GRID2: variants seen among roughly 807,000 people sequenced by gnomAD.
The protein encoded by GRID2 is glutamate receptor ionotropic, delta-2.
Under a neutral mutation model 114.8 loss-of-function variants are expected in GRID2, and 33 were observed. The observed-to-expected ratio is 0.29, with a 90% CI of 0.22 to 0.38. The LOEUF (loss-of-function observed/expected upper bound fraction) is 0.38, where lower values mean the gene tolerates loss of function less well. Among genes scored for constraint, GRID2 ranks in the 10% least tolerant of loss-of-function variants. The pLI is 1.00. For missense variants in GRID2, 1,184 were observed against 1,257.7 expected (o/e 0.94, Z 0.89); for synonymous variants, 505 against 449.9 (o/e 1.12, Z -1.55).
At chr4:93,448,886 T>TCCTTTCCCCTTCCCTTCCCCTTC (rs1553931769) in intron 10 of GRID2, among the ~76,000 whole-genome samples, 1 of 10,278 alleles carries the variant, frequency 9.7e-5, no homozygotes, top group African/African-American at 8.6e-4. Context: ...CCCTTCCCCT[T>TCCTTTCCCCTTCCCTTCCCCTTC]CCCTTCCCTT....
intron 2 of GRID2, among the ~76,000 whole-genome samples, chr4:92,979,868 A>T (rs1035630168): frequency 6.6e-6 from 1 of 152,206 alleles, no homozygotes; most frequent in African/African-American, 2.4e-5. Context: ...AGCCATTGCC[A>T]GAATGCCTGA....
chr4:93,451,200 T>G (rs1357969110), intron 10 of GRID2, among the ~76,000 whole-genome samples: 1 of 152,076 alleles, frequency 6.6e-6, no homozygotes, highest in African/African-American at 2.4e-5. Flanking sequence ...GCTTATGGCC[T>G]AGTGGAGGAG....
Position 93,264,770 on chromosome 4 carries a change from A to G in GRID2, c.1245+26280A>G, listed in dbSNP as rs1002021237. On this transcript the variant is annotated intron_variant, in intron 8 of 15. Coordinates refer to ENST00000282020, the MANE Select transcript of GRID2 (RefSeq NM_001510.4). ...TATCATTTGAATGATATATATATAT[A>G]TATAAATATATATAATATATATTTA... is the stretch of plus-strand genomic sequence containing the variant. Among the ~76,000 whole-genome samples the G allele has an allele frequency of 8.3e-4, 120 of 144,418 alleles. 3 individuals are homozygous for G. The highest frequency in any genetic ancestry group is 1.9e-3 in the African/African-American group (76 of 39,192). 94.7% of individuals were successfully genotyped at this position (144,418 alleles called of 152,430 possible). A position where few individuals can be genotyped will look rare whatever the true frequency, so the allele number is the denominator to read the frequency against.
At chr4:93,496,711 A>G (rs1727582656) in intron 12 of GRID2, among the ~76,000 whole-genome samples, 2 of 151,824 alleles carry the variant, frequency 1.3e-5, no homozygotes, top group South Asian at 4.1e-4. Context: ...GTAATAGTTC[A>G]TTGCTTTTTA....
intron 1 of GRID2, among the ~76,000 whole-genome samples, chr4:92,386,101 C>T (rs1172294142): frequency 6.6e-6 from 1 of 151,526 alleles, no homozygotes; most frequent in Non-Finnish European, 1.5e-5. Flanking sequence ...ATGACACCCT[C>T]CAGTTAAAAC....
intron 1 of GRID2, among the ~76,000 whole-genome samples, chr4:92,510,490 TCGAAAGA>T (rs1724188874): frequency 6.6e-6 from 1 of 151,740 alleles, no homozygotes; most frequent in Admixed American, 6.6e-5. Context: ...ATTTTTCAAG[TCGAAAGA>T]CTGGGTATAG....
intron 1 of GRID2, among the ~76,000 whole-genome samples, chr4:92,377,028 C>T (rs1441679229): frequency 2.6e-5 from 4 of 152,146 alleles, no homozygotes; most frequent in Non-Finnish European, 4.4e-5. Flanking sequence ...TGGGGATTAA[C>T]ATTTGGCTGT....
At chr4:92,607,242 T>C (rs1020500688) in intron 2 of GRID2, among the ~76,000 whole-genome samples, 2 of 152,020 alleles carry the variant, frequency 1.3e-5, no homozygotes, top group Non-Finnish European at 2.9e-5. Flanking sequence ...CTATTTTTAA[T>C]TTAAATAATA....
intron 1 of GRID2, among the ~76,000 whole-genome samples, chr4:92,347,228 A>G (rs1042054170): frequency 3.1e-4 from 47 of 152,216 alleles, no homozygotes; most frequent in Admixed American, 7.2e-4. Context: ...TAAATATATG[A>G]CTAGAAATAG....
chr4:93,089,877 G>T lies in GRID2; in HGVS notation c.529+4598G>T, dbSNP rs142155466. Among the ~76,000 whole-genome samples, 12 of 152,218 alleles carry T rather than the reference G, an allele frequency of 7.9e-5. No individual in the cohort carries two copies. The East Asian group carries it at 2.3e-3, about 29-fold the overall frequency. On this transcript the variant is annotated intron_variant, in intron 3 of 15. Coordinates refer to ENST00000282020, the MANE Select transcript of GRID2 (RefSeq NM_001510.4). Reference sequence around the variant, plus strand: ...GACCCTCATAGTAATGTCTGTTTCTGTTGCCCTCAAGTTCCACAAAACAAT... The same window carrying T: ...GACCCTCATAGTAATGTCTGTTTCTTTTGCCCTCAAGTTCCACAAAACAAT...
chr4:92,330,926 G>A (rs1026332882), intron 1 of GRID2, among the ~76,000 whole-genome samples: 1 of 152,024 alleles, frequency 6.6e-6, no homozygotes, highest in Non-Finnish European at 1.5e-5. Context: ...AAAATGTGGT[G>A]TCCTTTAAAA....
At chr4:93,513,672 C>G (rs1025853769) in intron 12 of GRID2, among the ~76,000 whole-genome samples, 1 of 151,810 alleles carries the variant, frequency 6.6e-6, no homozygotes, top group Admixed American at 6.6e-5. Context: ...ATGTGTAGAG[C>G]AAAAAGGAAT....
At chr4:93,017,856 T>C (rs1187365535) in intron 2 of GRID2, among the ~76,000 whole-genome samples, 2 of 146,406 alleles carry the variant, frequency 1.4e-5, no homozygotes, top group Non-Finnish European at 1.5e-5. Context: ...GCAAATAATA[T>C]GTGCACCAAG....
At chr4:93,001,118 G>A (rs200161810) in intron 2 of GRID2, among the ~76,000 whole-genome samples, 1 of 151,428 alleles carries the variant, frequency 6.6e-6, no homozygotes, top group Non-Finnish European at 1.5e-5. Context: ...TGTTATGTCA[G>A]CAAATACATG....
At chr4:93,138,498 C>T (rs1335518536) in intron 4 of GRID2, among the ~76,000 whole-genome samples, 1 of 152,098 alleles carries the variant, frequency 6.6e-6, no homozygotes, top group Non-Finnish European at 1.5e-5. Context: ...ATGAATTTGC[C>T]TCTTATACCC....
intron 13 of GRID2, among the ~76,000 whole-genome samples, chr4:93,584,850 G>A (rs915850185): frequency 6.6e-6 from 1 of 152,016 alleles, no homozygotes; most frequent in African/African-American, 2.4e-5. Context: ...GCTAAATCAG[G>A]ACTATAAAGT....
At chr4:92,756,808 G>A in intron 2 of GRID2, among the ~76,000 whole-genome samples, 1 of 151,526 alleles carries the variant, frequency 6.6e-6, no homozygotes, top group Non-Finnish European at 1.5e-5. Context: ...TAATGTTTGG[G>A]GTTTTTTTAT....
chr4:92,593,684 T>G (rs374152812), intron 2 of GRID2, among the ~76,000 whole-genome samples: 1 of 151,900 alleles, frequency 6.6e-6, no homozygotes, highest in Admixed American at 6.6e-5. Flanking sequence ...AATTTCTGTT[T>G]TCACAAAAGT....
chr4:93,359,261 ATTTTTTCATTTT>A (rs1445271909), intron 8 of GRID2, among the ~76,000 whole-genome samples: 7 of 151,256 alleles, frequency 4.6e-5, no homozygotes, highest in Admixed American at 3.3e-4. Context: ...CTTGTTTGCA[ATTTTTTCATTTT>A]TTTTTTCATT....
Sources: allele counts gnomAD v4.1 joint callset (sites outside exome capture counted in the v4.1 genomes callset), GRCh38; gene constraint gnomAD v4.1.1; transcripts MANE v1.5; gene names NCBI Gene and HGNC (gene_info 2026-07-23, HGNC 2026-07-21).